Variants in RIMBP2 observed in about 807,000 individuals in gnomAD.
RIMBP2 encodes RIMS binding protein 2, also known as RIMS-binding protein 2.
In RIMBP2, 48 loss-of-function variants were observed where a neutral mutation model predicts 118.6. The ratio of observed to expected loss-of-function variants is 0.40; its 90% CI spans 0.32 to 0.51. RIMBP2 has a LOEUF of 0.51. Among genes scored for constraint, RIMBP2 ranks in the 20% least tolerant of loss-of-function variants. RIMBP2 has a pLI of 0.41. For synonymous variants in RIMBP2, 762 were observed against 742.9 expected (o/e 1.03, Z -0.42); for missense variants, 1,551 against 1,768.3 (o/e 0.88, Z 2.20).
chr12:130,503,366 A>G (rs1355629387), intron 4 of RIMBP2, among the ~76,000 whole-genome samples: 3 of 151,860 alleles, frequency 2.0e-5, no homozygotes, highest in African/African-American at 7.3e-5. Flanking sequence ...ACTCCACTCC[A>G]GCCTGGGTGA....
At chr12:130,705,936 T>A (rs1420878804) in intron 1 of RIMBP2, among the ~76,000 whole-genome samples, 4 of 152,352 alleles carry the variant, frequency 2.6e-5, no homozygotes, top group Non-Finnish European at 4.4e-5. Context: ...TCGCACACAC[T>A]TTAGACAGCT....
At chr12:130,609,789 G>T (rs1258686166) in intron 2 of RIMBP2, among the ~76,000 whole-genome samples, 1 of 152,134 alleles carries the variant, frequency 6.6e-6, no homozygotes, top group East Asian at 1.9e-4. Context: ...GGGCACTGGA[G>T]GGGGACTGGT....
At chr12:130,545,397 T>C (rs966566445) in intron 2 of RIMBP2, among the ~76,000 whole-genome samples, 1 of 135,038 alleles carries the variant, frequency 7.4e-6, no homozygotes, top group Non-Finnish European at 1.6e-5. Context: ...AAATGTAAAA[T>C]AAGGTATTAT....
chr12:130,551,226 C>G (rs1213508590), intron 2 of RIMBP2, among the ~76,000 whole-genome samples: 6 of 152,204 alleles, frequency 3.9e-5, no homozygotes, highest in Non-Finnish European at 8.8e-5. Context: ...ACCTGGAAAA[C>G]AGGATCTCTG....
At chr12:130,644,224 C>G (rs908934072) in intron 1 of RIMBP2, among the ~76,000 whole-genome samples, 4 of 149,806 alleles carry the variant, frequency 2.7e-5, no homozygotes, top group Non-Finnish European at 5.9e-5. Flanking sequence ...CGAACTCACT[C>G]ACACACACAC....
intron 1 of RIMBP2, among the ~76,000 whole-genome samples, chr12:130,674,085 T>C (rs1359783574): frequency 6.6e-6 from 1 of 151,998 alleles, no homozygotes; most frequent in Non-Finnish European, 1.5e-5. Flanking sequence ...GCCACTGCAC[T>C]CCAGCCTGGG....
chr12:130,609,345 C>A (rs1221429006), intron 2 of RIMBP2, among the ~76,000 whole-genome samples: 2 of 152,108 alleles, frequency 1.3e-5, no homozygotes, highest in Non-Finnish European at 2.9e-5. Context: ...CTCTACACAA[C>A]GGAATGCTGT....
intron 22 of RIMBP2, chr12:130,398,465 A>G (rs2136241652): frequency 6.5e-6 from 1 of 152,818 alleles, no homozygotes; most frequent in East Asian, 1.9e-4. Flanking sequence ...TGAAGATACC[A>G]TCTATTCCAT....
chr12:130,564,616 C>A (rs905549338), intron 2 of RIMBP2, among the ~76,000 whole-genome samples: 1 of 152,120 alleles, frequency 6.6e-6, no homozygotes, highest in African/African-American at 2.4e-5. Flanking sequence ...CGTGGATAGA[C>A]CTCAAAGACA....
rs142980867 is a variant in RIMBP2, at chr12:130,459,945, G to A, written c.154-3245C>T. 4.7e-3 allele frequency among the ~76,000 whole-genome samples: 722 copies of A among 152,288 alleles called. 5 individuals are homozygous for A. The highest frequency in any genetic ancestry group is 0.014 in the Middle Eastern group (4 of 294). ...CTGGCCCATCAGTCCATCCTCAACCGTTAGTTCACGACTTGGCACAGGGTG... is the reference window on the plus strand; with the variant it reads ...CTGGCCCATCAGTCCATCCTCAACCATTAGTTCACGACTTGGCACAGGGTG... On this transcript the variant is annotated intron_variant, in intron 6 of 22. Transcript: ENST00000690449.
intron 2 of RIMBP2, among the ~76,000 whole-genome samples, chr12:130,583,008 T>TAA: frequency 6.6e-6 from 1 of 152,334 alleles, no homozygotes; most frequent in East Asian, 1.9e-4. Context: ...GGGGCAGATA[T>TAA]AAAAGTCATT....
intron 21 of RIMBP2, among the ~76,000 whole-genome samples, chr12:130,403,036 G>C (rs539041121): frequency 6.6e-6 from 1 of 152,198 alleles, no homozygotes; most frequent in Non-Finnish European, 1.5e-5. Flanking sequence ...CCCTGCTTAC[G>C]CTTGTTTTAC....
At chr12:130,451,530 C>A (rs1485087791) in intron 7 of RIMBP2, among the ~76,000 whole-genome samples, 190 bp from the exon 8 acceptor site, 1 of 152,258 alleles carries the variant, frequency 6.6e-6, no homozygotes, top group Non-Finnish European at 1.5e-5. Flanking sequence ...CAGCTCTGGG[C>A]CCGTCCAGCT....
intron 6 of RIMBP2, among the ~76,000 whole-genome samples, chr12:130,458,601 G>A (rs1488045874): frequency 3.3e-5 from 5 of 152,234 alleles, no homozygotes; most frequent in Non-Finnish European, 5.9e-5. Context: ...GTGAGCCAAC[G>A]AACCCCCAGG....
chr12:130,405,726 A>G (rs922729774), intron 21 of RIMBP2, among the ~76,000 whole-genome samples: 3 of 151,904 alleles, frequency 2.0e-5, no homozygotes, highest in Non-Finnish European at 2.9e-5. Context: ...GGCTCTAGAA[A>G]AAAGGTAAGG....
intron 2 of RIMBP2, among the ~76,000 whole-genome samples, chr12:130,586,325 A>G (rs10773797): frequency 0.84 from 128,029 of 152,176 alleles, 53,886 homozygotes; most frequent in South Asian, 0.88. Context: ...GGTGGCAGGC[A>G]CCTGCAATCC....
In RIMBP2 at chr12:130,489,451, C is replaced by T. The variant is rs188934488; in HGVS notation, c.-3-10435G>A. On this transcript the variant is annotated intron_variant, in intron 4 of 22. Coordinates refer to ENST00000690449, the MANE Select transcript of RIMBP2 (RefSeq NM_001393629.1). ...AGAAAGAGCTACACTTCCCAGACGC[C>T]CTCGCCCTCTGCTTCTGGGTGGTCA... Among the ~76,000 whole-genome samples, 562 of 152,222 alleles carry T rather than the reference C, an allele frequency of 3.7e-3. 10 individuals are homozygous for T. Among genetic ancestry groups the T allele is most frequent in the Admixed American group, 0.033 (509 of 15,292 alleles).
In RIMBP2 at chr12:130,424,267, C is replaced by T. The variant is rs530000225; in HGVS notation, c.3004G>A (p.Gly1002Ser). ...GPERPPPRKH[G>S]WGEPTEHQDF... The stretch of plus-strand genomic sequence containing the variant: ...TGGTGCTCGGTGGGCTCGCCCCAGC[C>T]GTGCTTCCTGGGGGGCGGCCTCTCC... The change falls in exon 16 of 23, where the codon GGC (glycine) becomes AGC (serine). Residue 1002 changes from glycine to serine, a missense_variant. Transcript: ENST00000690449. The surrounding 1 kb of genome is among the most constrained non-coding windows in gnomAD (Gnocchi z 9.8). 172 of 1,231,818 alleles carry T rather than the reference C, an allele frequency of 1.4e-4. No homozygotes were observed. Among genetic ancestry groups the T allele is most frequent in the Middle Eastern group, 9.4e-4 (3 of 3,208 alleles). The allele number at this position is 1,231,818 out of a possible 1,614,324, so 76.3% of individuals were successfully genotyped here. A position where few individuals can be genotyped will look rare whatever the true frequency, so the allele number is the denominator to read the frequency against.
intron 2 of RIMBP2, among the ~76,000 whole-genome samples, chr12:130,552,474 T>A (rs1305349711): frequency 2.0e-5 from 3 of 152,126 alleles, no homozygotes; most frequent in Non-Finnish European, 2.9e-5. Flanking sequence ...TAACAGGAAA[T>A]AATAATGACA....
Sources: gnomAD v4.1 joint callset for allele counts (sites outside exome capture counted in the v4.1 genomes callset) on GRCh38, gnomAD v4.1.1 for gene constraint, Gnocchi (gnomAD v3.1) non-coding constraint, MANE v1.5 for transcripts, NCBI Gene and HGNC (gene_info 2026-07-23, HGNC 2026-07-21) for gene names.